The following PCDHGB7 variants were observed in gnomAD, a reference collection of about 807,000 sequenced individuals.
The protein encoded by PCDHGB7 is protocadherin gamma subfamily B, 7, also known as protocadherin gamma-B7.
PCDHGB7 carries 37 observed loss-of-function variants against 61.4 expected under a neutral mutation model. That is an observed-to-expected ratio of 0.60 (90% CI 0.46 to 0.79). The LOEUF is 0.79. PCDHGB7 is among the 30% of genes least tolerant of loss of function. The probability of loss-of-function intolerance (pLI) is 0.00; values close to 1 mark genes in which losing one functional copy is unlikely to be tolerated. For synonymous variants in PCDHGB7, 464 were observed against 503.5 expected, an observed-to-expected ratio of 0.92 and a Z score of 1.05; for missense variants, 1,166 against 1,202.5, an observed-to-expected ratio of 0.97 and a Z score of 0.45.
chr5:141,421,642 G>A, intron 1 of PCDHGB7: 1 of 1,613,850 alleles, frequency 6.2e-7, no homozygotes, highest in South Asian at 1.1e-5. Flanking sequence ...GGAGGACGAA[G>A]TGGAGATAAA....
intron 1 of PCDHGB7, among the ~76,000 whole-genome samples, chr5:141,447,632 T>G (rs931349669): frequency 9.2e-5 from 14 of 152,160 alleles, no homozygotes; most frequent in Non-Finnish European, 2.1e-4. Flanking sequence ...ACCAACAGTA[T>G]GAATGATGGT....
chr5:141,428,040 G>T, intron 1 of PCDHGB7: 1 of 1,608,668 alleles, frequency 6.2e-7, no homozygotes, highest in Non-Finnish European at 8.5e-7. Flanking sequence ...CGGCTACCTG[G>T]TGACCAAGGT....
At position 141,486,230 on chromosome 5, in the gene PCDHGB7, A is replaced by G. The variant is rs1463946178; in HGVS notation, c.2416-8577A>G. ...TGACAATGCCCCTTACATCACAGTG[A>G]CCTCAGAGCTTGGAACCCTCCCCGA... On this transcript the variant is annotated intron_variant, in intron 1 of 3. Coordinates refer to ENST00000398594, the MANE Select transcript of PCDHGB7 (RefSeq NM_018927.4). This position sits in a 1 kb window ranked among gnomAD's most constrained non-coding sequence, Gnocchi z 5.0. 2 of 1,613,898 alleles carry G rather than the reference A, an allele frequency of 1.2e-6. No individual in the cohort carries two copies. The highest frequency in any genetic ancestry group is 2.2e-5 in the East Asian group (1 of 44,878).
intron 1 of PCDHGB7, among the ~76,000 whole-genome samples, chr5:141,481,820 C>T (rs2099545799): frequency 6.6e-6 from 1 of 150,726 alleles, no homozygotes; most frequent in Non-Finnish European, 1.5e-5. Context: ...GGCGTGGTGG[C>T]TGAGGCAGGA....
In PCDHGB7 at chr5:141,432,536, G is replaced by A. The variant is rs767744134; in HGVS notation, c.2415+12262G>A. 6.2e-7 allele frequency: 1 copy of A among 1,614,050 alleles called. No individual in the cohort carries two copies. Among genetic ancestry groups the A allele is most frequent in the Non-Finnish European group, 8.5e-7 (1 of 1,180,006 alleles). On this transcript the variant is annotated intron_variant, in intron 1 of 3. Coordinates refer to ENST00000398594, the MANE Select transcript of PCDHGB7 (RefSeq NM_018927.4). This position sits in a 1 kb window ranked among gnomAD's most constrained non-coding sequence, Gnocchi z 6.0. ...CGGCTACCTGGTGACCAAGGTGGTG[G>A]CGGTGGACAGAGACTCCGGCCAGAA...
At chr5:141,505,332 A>C in intron 2 of PCDHGB7, 61 bp from the exon 3 acceptor site, 1 of 1,610,872 alleles carries the variant, frequency 6.2e-7, no homozygotes, top group South Asian at 1.1e-5. Flanking sequence ...GGGAGAGGAC[A>C]GGAGGGGCAT....
Position 141,489,434 on chromosome 5 carries a change from A to G in PCDHGB7, c.2416-5373A>G. On this transcript the variant is annotated intron_variant, in intron 1 of 3. Transcript: ENST00000398594. This position sits in a 1 kb window ranked among gnomAD's most constrained non-coding sequence, Gnocchi z 4.5. ...ACAGATCTGTTGAGCCGGCGGCTGC[A>G]ATTGGGCTCTGAGGAGAATGGGCGC... 6.2e-7 allele frequency: 1 copy of G among 1,614,138 alleles called. No individual in the cohort carries two copies. The highest frequency in any genetic ancestry group is 8.5e-7 in the Non-Finnish European group (1 of 1,180,044).
chr5:141,426,086 G>A (rs751467304), intron 1 of PCDHGB7, among the ~76,000 whole-genome samples: 5 of 152,218 alleles, frequency 3.3e-5, no homozygotes, highest in Non-Finnish European at 7.3e-5. Context: ...CTACCAGGAC[G>A]ATATTCTGTT....
rs1252377833 is a variant in PCDHGB7, at chr5:141,485,012, G to T, written c.2416-9795G>T. On this transcript the variant is annotated intron_variant, in intron 1 of 3. Coordinates refer to ENST00000398594, the MANE Select transcript of PCDHGB7 (RefSeq NM_018927.4). The surrounding 1 kb of genome is among the most constrained non-coding windows in gnomAD (Gnocchi z 5.7). Reference sequence around the variant, plus strand: ...GGTGAAAGGCAGACAAATCTACCCCGCCACCAGCAAAAACGGCGCGTAACC... The same window carrying T: ...GGTGAAAGGCAGACAAATCTACCCCTCCACCAGCAAAAACGGCGCGTAACC... The T allele has an allele frequency of 1.3e-5, 8 of 630,528 alleles. No individual in the cohort carries two copies. In the Admixed American group the frequency reaches 1.5e-4, roughly 12 times the overall value. 39.1% of individuals were successfully genotyped at this position (630,528 alleles called of 1,614,324 possible).
At chr5:141,464,411 A>G (rs1029342220) in intron 1 of PCDHGB7, among the ~76,000 whole-genome samples, 3 of 151,624 alleles carry the variant, frequency 2.0e-5, no homozygotes, top group Admixed American at 6.6e-5. Flanking sequence ...AGATATATAT[A>G]TATCTATATA....
chr5:141,476,666 G>T lies in PCDHGB7; in HGVS notation c.2416-18141G>T. 9 of 1,614,246 alleles carry T rather than the reference G, an allele frequency of 5.6e-6. No homozygotes were observed. Among genetic ancestry groups the T allele is most frequent in the Non-Finnish European group, 7.6e-6 (9 of 1,180,044 alleles). ...CCGAAATGAATACTTTGCGCTTCGC[G>T]TGCAGACGCGGGAGGACAGCACCAA... On this transcript the variant is annotated intron_variant, in intron 1 of 3. Transcript: ENST00000398594. This position sits in a 1 kb window ranked among gnomAD's most constrained non-coding sequence, Gnocchi z 7.6.
intron 2 of PCDHGB7, among the ~76,000 whole-genome samples, chr5:141,502,719 C>G (rs1242423173): frequency 1.3e-5 from 2 of 152,190 alleles, no homozygotes; most frequent in Non-Finnish European, 2.9e-5. Flanking sequence ...TCAGTGATTA[C>G]AAAGCGGTGA....
intron 1 of PCDHGB7, among the ~76,000 whole-genome samples, chr5:141,462,117 C>G (rs965365318): frequency 6.6e-6 from 1 of 152,170 alleles, no homozygotes; most frequent in African/African-American, 2.4e-5. Flanking sequence ...GCCACTGCAC[C>G]CAGTCCAATT....
At chr5:141,437,249 T>G (rs2097870737) in intron 1 of PCDHGB7, among the ~76,000 whole-genome samples, 1 of 152,240 alleles carries the variant, frequency 6.6e-6, no homozygotes, top group African/African-American at 2.4e-5. Context: ...GGACTTTCCT[T>G]GTCTTTTTAT....
At chr5:141,448,305 A>C (rs910461420) in intron 1 of PCDHGB7, among the ~76,000 whole-genome samples, 1 of 152,092 alleles carries the variant, frequency 6.6e-6, no homozygotes, top group East Asian at 1.9e-4. Context: ...TTAATATCTC[A>C]AGGAATCTTT....
At chr5:141,494,362 A>T (rs527454959) in intron 1 of PCDHGB7, among the ~76,000 whole-genome samples, 47 of 152,300 alleles carry the variant, frequency 3.1e-4, no homozygotes, top group Admixed American at 8.5e-4. Context: ...GCTGCAGAGG[A>T]TGCTTTGTTC....
Position 141,511,225 on chromosome 5 carries a change from C to T in PCDHGB7, c.*52C>T, listed in dbSNP as rs2099883678. On this transcript the variant is annotated 3_prime_UTR_variant, in exon 4 of 4. Transcript: ENST00000398594. Reference sequence around the variant, plus strand: ...GGCGGCCTCTCCCCAACCAGCCCAGCTTCTCCTTACCTGCACCCAGGCCTC... The same window carrying T: ...GGCGGCCTCTCCCCAACCAGCCCAGTTTCTCCTTACCTGCACCCAGGCCTC... 1.9e-6 allele frequency: 3 copies of T among 1,601,506 alleles called. No individual in the cohort carries two copies. Among genetic ancestry groups the T allele is most frequent in the Non-Finnish European group, 2.6e-6 (3 of 1,174,170 alleles).
chr5:141,504,206 A>C (rs1209911822), intron 2 of PCDHGB7, among the ~76,000 whole-genome samples: 1 of 152,218 alleles, frequency 6.6e-6, no homozygotes, highest in East Asian at 1.9e-4. Context: ...CTGTGGGAAA[A>C]TTCCAAGTAG....
At chr5:141,473,283 A>G (rs2099318531) in intron 1 of PCDHGB7, among the ~76,000 whole-genome samples, 1 of 152,324 alleles carries the variant, frequency 6.6e-6, no homozygotes, top group Non-Finnish European at 1.5e-5. Flanking sequence ...TTATTTTACT[A>G]TGTCAGTAGC....
Sources: allele counts gnomAD v4.1 joint callset (sites outside exome capture counted in the v4.1 genomes callset), GRCh38; gene constraint gnomAD v4.1.1; non-coding constraint Gnocchi (gnomAD v3.1); transcripts MANE v1.5; gene names NCBI Gene and HGNC (gene_info 2026-07-23, HGNC 2026-07-21).